Variants in PVALB observed in about 807,000 individuals in gnomAD.
PVALB encodes parvalbumin, also known as parvalbumin alpha.
In PVALB, 11 loss-of-function variants were observed where a neutral mutation model predicts 10.9. That is an observed-to-expected ratio of 1.01 (90% CI 0.63 to 1.67). The LOEUF (loss-of-function observed/expected upper bound fraction) is 1.67. PVALB is among the 40% of genes most tolerant of loss of function. The pLI, the probability that PVALB is intolerant of heterozygous loss-of-function variation, is 0.00. For synonymous variants in PVALB, 57 were observed against 50.7 expected (o/e 1.12, Z -0.53); for missense variants, 131 against 136.2 (o/e 0.96, Z 0.19).
chr22:36,814,765 G>T (rs563308578), intron 2 of PVALB, among the ~76,000 whole-genome samples: 1 of 152,306 alleles, frequency 6.6e-6, no homozygotes, highest in Non-Finnish European at 1.5e-5. Flanking sequence ...TCAAGTGAAT[G>T]CTTTCTGCCC....
Position 36,800,919 on chromosome 22 carries a change from C to A in PVALB, c.305-1G>T. 1 of 1,611,020 alleles carries A rather than the reference C, an allele frequency of 6.2e-7. No homozygotes were observed. Among genetic ancestry groups the A allele is most frequent in the Non-Finnish European group, 8.5e-7 (1 of 1,177,416 alleles). On this transcript the variant is annotated splice_acceptor_variant, in intron 3 of 3. Coordinates refer to ENST00000417718, the MANE Select transcript of PVALB (RefSeq NM_001315532.2). LOFTEE classifies it high-confidence loss of function. Reference sequence around the variant, plus strand: ...CTTTCAGCCACCAGAGTGGAGAATTCTGCAGAACAAAATGACAAGGAAAGT... The same window carrying A: ...CTTTCAGCCACCAGAGTGGAGAATTATGCAGAACAAAATGACAAGGAAAGT...
At chr22:36,808,036 C>T (rs528701983) in intron 3 of PVALB, among the ~76,000 whole-genome samples, 2 of 152,196 alleles carry the variant, frequency 1.3e-5, no homozygotes, top group African/African-American at 2.4e-5. Context: ...GTGGATCCAT[C>T]GCCGGGAATG....
At position 36,815,100 on chromosome 22, in the gene PVALB, T is replaced by C; in HGVS notation, c.194+3A>G. 2 of 1,614,070 alleles carry C rather than the reference T, an allele frequency of 1.2e-6. No individual in the cohort carries two copies. The highest frequency in any genetic ancestry group is 1.7e-6 in the Non-Finnish European group (2 of 1,179,974). ...TGGGCAGCCCCTGCAGGCCTCCGCT[T>C]ACCCCAGCTCATCCTCCTCGATGAA... On this transcript the variant is annotated splice_donor_region_variant and intron_variant, in intron 2 of 3. Coordinates refer to ENST00000417718, the MANE Select transcript of PVALB (RefSeq NM_001315532.2).
At chr22:36,811,617 T>G in intron 3 of PVALB, 1 of 453,652 alleles carries the variant, frequency 2.2e-6, no homozygotes, top group South Asian at 1.6e-5. Flanking sequence ...GGCTGGTTTC[T>G]CTTCATCAGG....
At chr22:36,817,262 G>A, upstream of PVALB, 1 of 320,338 alleles carries the variant, frequency 3.1e-6, no homozygotes, top group African/African-American at 2.2e-5. Flanking sequence ...AGGGGTCCGC[G>A]GGATCCCAGG....
At position 36,815,191 on chromosome 22, in the gene PVALB, G is replaced by C; in HGVS notation, c.106C>G (p.Leu36Val). 1 of 1,614,178 alleles carries C rather than the reference G, an allele frequency of 6.2e-7. No individual in the cohort carries two copies. The highest frequency in any genetic ancestry group is 8.5e-7 in the Non-Finnish European group (1 of 1,180,008). Residue 36 changes from leucine (L) to valine (V), a missense_variant, in exon 2 of 4, where the codon CTG (leucine) becomes GTG (valine). By Grantham distance (32) the Leu-to-Val change is conservative. Coordinates refer to ENST00000417718, the MANE Select transcript of PVALB (RefSeq NM_001315532.2). ...DHKKFFQMVG[L>V]KKKSADDVKK... is the part of the protein sequence containing the mutation. The stretch of plus-strand genomic sequence containing the variant: ...ACATCATCCGCACTCTTTTTCTTCA[G>C]GCCGACCATTTGGAAGAACTTTTTG...
At position 36,805,423 on chromosome 22, in the gene PVALB, C is replaced by T. The variant is rs113762307; in HGVS notation, c.305-4505G>A. Among the ~76,000 whole-genome samples, 1,462 of 152,324 alleles carry T rather than the reference C, an allele frequency of 9.6e-3. 26 individuals are homozygous for T. Among genetic ancestry groups the T allele is most frequent in the African/African-American group, 0.033 (1,353 of 41,568 alleles). On this transcript the variant is annotated intron_variant, in intron 3 of 3. Coordinates refer to ENST00000417718, the MANE Select transcript of PVALB (RefSeq NM_001315532.2). ...GCCACTTTAAAACCAAGCCTATAAA[C>T]GCCTAGTTGCTGCCCGGCAGAAGCA...
intron 3 of PVALB, among the ~76,000 whole-genome samples, chr22:36,807,773 C>T (rs1938976445): frequency 6.6e-6 from 1 of 152,164 alleles, no homozygotes; most frequent in African/African-American, 2.4e-5. Context: ...TCAGGTGCTC[C>T]ACCACAGCCC....
At chr22:36,812,066 T>TA (rs1939054847) in intron 3 of PVALB, among the ~76,000 whole-genome samples, 2 of 152,216 alleles carry the variant, frequency 1.3e-5, no homozygotes, top group Non-Finnish European at 2.9e-5. Context: ...GGCATACACC[T>TA]ACTTTCATAA....
chr22:36,815,053 T>C, intron 2 of PVALB, 50 bp downstream of exon 2: 1 of 1,607,000 alleles, frequency 6.2e-7, no homozygotes, highest in Non-Finnish European at 8.5e-7. Context: ...CAGCCCCCAC[T>C]CCCTCTCGTG....
chr22:36,802,530 G>T (rs1938881575), intron 3 of PVALB, among the ~76,000 whole-genome samples: 1 of 145,318 alleles, frequency 6.9e-6, no homozygotes, highest in African/African-American at 2.5e-5. Context: ...GAACACAGGA[G>T]GCAGAGGTTG....
intron 3 of PVALB, among the ~76,000 whole-genome samples, chr22:36,803,964 G>A (rs377130340): frequency 2.6e-5 from 4 of 152,200 alleles, no homozygotes; most frequent in Non-Finnish European, 5.9e-5. Flanking sequence ...TAGTGTCCCA[G>A]CTCAGGCAGA....
chr22:36,809,297 T>G (rs1425099682), intron 3 of PVALB, among the ~76,000 whole-genome samples: 2 of 152,182 alleles, frequency 1.3e-5, no homozygotes, highest in Non-Finnish European at 2.9e-5. Flanking sequence ...CTTTTCTTTT[T>G]CTCCCACTAT....
chr22:36,806,903 G>A (rs1384926601), intron 3 of PVALB, among the ~76,000 whole-genome samples: 2 of 152,144 alleles, frequency 1.3e-5, no homozygotes, highest in Non-Finnish European at 2.9e-5. Flanking sequence ...TTCCTCAAAG[G>A]TTGGAGTTAA....
intron 3 of PVALB, among the ~76,000 whole-genome samples, chr22:36,810,494 C>T (rs554019497): frequency 1.3e-5 from 2 of 152,318 alleles, no homozygotes; most frequent in East Asian, 1.9e-4. Flanking sequence ...CCCAGTGCCT[C>T]AGGGTGGTCT....
Position 36,813,763 on chromosome 22 carries a change from A to G in PVALB, c.195-8T>C, listed in dbSNP as rs879452555. On this transcript the variant is annotated splice_polypyrimidine_tract_variant and splice_region_variant and intron_variant, in intron 2 of 3. Coordinates refer to ENST00000417718, the MANE Select transcript of PVALB (RefSeq NM_001315532.2). ...AAGCCTTTTAGGATGAATCTGGAGG[A>G]GAAAAGGGAGAAAGCCGGTGAGGGA... 8 of 1,599,478 alleles carry G rather than the reference A, an allele frequency of 5.0e-6. No individual in the cohort carries two copies. Among genetic ancestry groups the G allele is most frequent in the Non-Finnish European group, 6.9e-6 (8 of 1,166,902 alleles).
chr22:36,813,764 G>C lies in PVALB; in HGVS notation c.195-9C>G, dbSNP rs754761986. On this transcript the variant is annotated splice_polypyrimidine_tract_variant and intron_variant, in intron 2 of 3. Transcript: ENST00000417718. ...AGCCTTTTAGGATGAATCTGGAGGA[G>C]AAAAGGGAGAAAGCCGGTGAGGGAG... is the stretch of plus-strand genomic sequence containing the variant. 1.4e-5 allele frequency: 23 copies of C among 1,599,302 alleles called. 1 individual carries two copies. The South Asian group carries it at 2.5e-4, about 18-fold the overall frequency.
chr22:36,810,531 C>T (rs1166860946), intron 3 of PVALB, among the ~76,000 whole-genome samples: 1 of 152,168 alleles, frequency 6.6e-6, no homozygotes, highest in Non-Finnish European at 1.5e-5. Flanking sequence ...TTATGTCTTG[C>T]CTATGAGCTC....
intron 3 of PVALB, among the ~76,000 whole-genome samples, chr22:36,809,912 T>A (rs956410232): frequency 1.4e-5 from 2 of 146,160 alleles, no homozygotes; most frequent in East Asian, 2.1e-4. Context: ...TGAGATGGAG[T>A]CTAGCTCTGC....
Sources: allele counts gnomAD v4.1 joint callset (sites outside exome capture counted in the v4.1 genomes callset), GRCh38; gene constraint gnomAD v4.1.1; transcripts MANE v1.5; gene names NCBI Gene and HGNC (gene_info 2026-07-23, HGNC 2026-07-21).